TBC1D5: variants seen among roughly 807,000 people sequenced by gnomAD.
TBC1D5 encodes the protein TBC1 domain family, member 5.
In TBC1D5, 75 loss-of-function variants were observed where a neutral mutation model predicts 100.3. That is an observed-to-expected ratio of 0.75 (90% CI 0.62 to 0.91). The LOEUF is 0.91. Ranked by LOEUF, TBC1D5 falls within the 40% of genes least tolerant of loss-of-function variation. The pLI, the probability that TBC1D5 is intolerant of heterozygous loss-of-function variation, is 0.00. For missense variants in TBC1D5, 910 were observed against 942.4 expected, an observed-to-expected ratio of 0.97 and a Z score of 0.45; for synonymous variants, 323 against 325.6, an observed-to-expected ratio of 0.99 and a Z score of 0.09.
At chr3:17,215,999 C>A (rs946422353) in intron 17 of TBC1D5, among the ~76,000 whole-genome samples, 1 of 152,096 alleles carries the variant, frequency 6.6e-6, no homozygotes, top group Admixed American at 6.6e-5. Flanking sequence ...TCCCAGAGTG[C>A]AGAACCTAGG....
At chr3:17,303,734 TC>T (rs1373674550) in intron 14 of TBC1D5, among the ~76,000 whole-genome samples, 2 of 150,936 alleles carry the variant, frequency 1.3e-5, no homozygotes, top group African/African-American at 2.4e-5. Flanking sequence ...TCTTTATACA[TC>T]TTAAACCACT....
chr3:17,525,077 TGAG>T (rs1254162158), intron 2 of TBC1D5, among the ~76,000 whole-genome samples: 2 of 152,152 alleles, frequency 1.3e-5, no homozygotes, highest in Non-Finnish European at 2.9e-5. Flanking sequence ...CAACAAAGCA[TGAG>T]GAGGAATTCT....
chr3:17,256,361 T>C (rs2077670790), intron 16 of TBC1D5, among the ~76,000 whole-genome samples: 1 of 142,164 alleles, frequency 7.0e-6, no homozygotes, highest in South Asian at 2.2e-4. Flanking sequence ...TTCAAGATAC[T>C]TTGCACAAGA....
intron 1 of TBC1D5, among the ~76,000 whole-genome samples, chr3:17,642,934 A>T (rs942074533): frequency 1.3e-5 from 2 of 152,160 alleles, no homozygotes; most frequent in African/African-American, 4.8e-5. Flanking sequence ...TTTCTAATGA[A>T]AACACCATAC....
chr3:17,419,854 A>ATATT (rs1244706373), intron 4 of TBC1D5, among the ~76,000 whole-genome samples: 1 of 151,832 alleles, frequency 6.6e-6, no homozygotes, highest in Admixed American at 6.6e-5. Flanking sequence ...TTTTTTAAAA[A>ATATT]TATTTATTTA....
chr3:17,193,732 A>G (rs991064069), intron 18 of TBC1D5, among the ~76,000 whole-genome samples: 2 of 152,152 alleles, frequency 1.3e-5, no homozygotes, highest in African/African-American at 4.8e-5. Flanking sequence ...CACAGACTCT[A>G]TTTCCCTCAG....
chr3:17,186,519 G>T (rs187354919), intron 18 of TBC1D5, among the ~76,000 whole-genome samples: 1 of 151,718 alleles, frequency 6.6e-6, no homozygotes, highest in African/African-American at 2.4e-5. Flanking sequence ...GACCAGCCTT[G>T]TCAACATGGT....
intron 15 of TBC1D5, among the ~76,000 whole-genome samples, chr3:17,291,042 CAA>C (rs1438077188): frequency 6.6e-6 from 1 of 152,182 alleles, no homozygotes; most frequent in Non-Finnish European, 1.5e-5. Context: ...AGAGCTTTGG[CAA>C]TGGAACCCAC....
chr3:17,690,278 G>A lies in TBC1D5; in HGVS notation c.-101+49065C>T, dbSNP rs1280013285. ...GTCGCCCAGGCTGGAGTGCAGTGGCGGGATCTCGGCTCACTGCAAGCTCTG... is the reference window on the plus strand; with the variant it reads ...GTCGCCCAGGCTGGAGTGCAGTGGCAGGATCTCGGCTCACTGCAAGCTCTG... On this transcript the variant is annotated intron_variant, in intron 1 of 21. Transcript: ENST00000253692. Among the ~76,000 whole-genome samples the A allele has an allele frequency of 1.1e-4, 3 of 28,104 alleles. 1 individual carries two copies. The highest frequency in any genetic ancestry group is 1.5e-4 in the Non-Finnish European group (2 of 13,774). The allele number at this position is 28,104 out of a possible 152,430, so 18.4% of individuals were successfully genotyped here. A position where few individuals can be genotyped will look rare whatever the true frequency, so the allele number is the denominator to read the frequency against.
At chr3:17,183,339 C>A (rs1354232241) in intron 19 of TBC1D5, among the ~76,000 whole-genome samples, 1 of 152,128 alleles carries the variant, frequency 6.6e-6, no homozygotes, top group Non-Finnish European at 1.5e-5. Flanking sequence ...TACTTCTTCC[C>A]CTAAGCTAAG....
At chr3:17,186,215 A>G (rs1288081509) in intron 18 of TBC1D5, among the ~76,000 whole-genome samples, 2 of 151,362 alleles carry the variant, frequency 1.3e-5, no homozygotes, top group Non-Finnish European at 2.9e-5. Context: ...AAAAAGAAGG[A>G]AAAAAAAACC....
At chr3:17,252,359 C>A (rs1050308374) in intron 16 of TBC1D5, among the ~76,000 whole-genome samples, 1 of 152,192 alleles carries the variant, frequency 6.6e-6, no homozygotes, top group African/African-American at 2.4e-5. Context: ...TCTGTGCTAA[C>A]TATCCCAGTT....
chr3:17,391,156 T>C (rs780222688), intron 8 of TBC1D5, among the ~76,000 whole-genome samples: 1 of 152,120 alleles, frequency 6.6e-6, no homozygotes, highest in Non-Finnish European at 1.5e-5. Context: ...TAAAACTATA[T>C]CTGCAAATTT....
At chr3:17,459,479 C>T (rs2095159417) in intron 3 of TBC1D5, among the ~76,000 whole-genome samples, 2 of 152,306 alleles carry the variant, frequency 1.3e-5, no homozygotes, top group South Asian at 4.1e-4. Flanking sequence ...CAGGCCACAG[C>T]CTGGGGGTTG....
chr3:17,317,263 T>G (rs1467183842), intron 13 of TBC1D5, among the ~76,000 whole-genome samples: 3 of 152,248 alleles, frequency 2.0e-5, no homozygotes, highest in Non-Finnish European at 4.4e-5. Context: ...TGGGATTATG[T>G]ATGTCTCAGT....
chr3:17,503,408 G>T (rs1472403631), intron 3 of TBC1D5, among the ~76,000 whole-genome samples: 2 of 149,244 alleles, frequency 1.3e-5, no homozygotes, highest in South Asian at 4.2e-4. Flanking sequence ...TGTGTTTATT[G>T]ATCATTTACT....
intron 4 of TBC1D5, among the ~76,000 whole-genome samples, chr3:17,422,784 C>T (rs191189646): frequency 1.3e-5 from 2 of 152,204 alleles, no homozygotes; most frequent in East Asian, 1.9e-4. Context: ...ACATACGAAT[C>T]TTTGTGCTAA....
chr3:17,316,203 T>C (rs1418194242), intron 13 of TBC1D5, among the ~76,000 whole-genome samples: 2 of 152,178 alleles, frequency 1.3e-5, no homozygotes, highest in Non-Finnish European at 2.9e-5. Context: ...CAGCTTGGAA[T>C]GAACTATAGT....
chr3:17,530,592 T>C (rs995506146), intron 2 of TBC1D5, among the ~76,000 whole-genome samples: 3 of 152,246 alleles, frequency 2.0e-5, no homozygotes, highest in Non-Finnish European at 2.9e-5. Context: ...GCCAAAGCTT[T>C]TACTTGAATA....
Sources: allele counts gnomAD v4.1 joint callset (sites outside exome capture counted in the v4.1 genomes callset), GRCh38; gene constraint gnomAD v4.1.1; transcripts MANE v1.5; gene names NCBI Gene and HGNC (gene_info 2026-07-23, HGNC 2026-07-21).